Variants in SUZ12 observed in about 807,000 individuals in gnomAD.
SUZ12 encodes SUZ12 polycomb repressive complex 2 subunit, also known as polycomb protein SUZ12.
Under a neutral mutation model 87.3 loss-of-function variants are expected in SUZ12, and 17 were observed. The ratio of observed to expected loss-of-function variants is 0.19; its 90% CI spans 0.13 to 0.29. SUZ12 has a LOEUF of 0.29. Ranked by LOEUF, SUZ12 falls within the 10% of genes least tolerant of loss-of-function variation. The pLI is 1.00. For missense variants in SUZ12, 526 were observed against 912.2 expected (o/e 0.58, Z 5.45); for synonymous variants, 253 against 312.4 (o/e 0.81, Z 2.01).
In SUZ12 at chr17:31,937,138, C is replaced by A. The variant is rs1455631409; in HGVS notation, c.-109C>A. On this transcript the variant is annotated 5_prime_UTR_variant, in exon 1 of 16. Transcript: ENST00000322652. ...CCCTCTCCTCCCCTCTCTCCTCCTTCCCCCCTCGGTCCGCCGGAGCCTGCT... is the reference window on the plus strand; with the variant it reads ...CCCTCTCCTCCCCTCTCTCCTCCTTACCCCCTCGGTCCGCCGGAGCCTGCT... 4 of 948,222 alleles carry A rather than the reference C, an allele frequency of 4.2e-6. No homozygotes were observed. Among genetic ancestry groups the A allele is most frequent in the South Asian group, 2.5e-5 (1 of 39,562 alleles). 58.7% of individuals were successfully genotyped at this position (948,222 alleles called of 1,614,324 possible).
At chr17:31,989,816 A>G (rs1298687921) in intron 10 of SUZ12, among the ~76,000 whole-genome samples, 32 of 133,450 alleles carry the variant, frequency 2.4e-4, no homozygotes, top group Non-Finnish European at 3.8e-4. Context: ...TCACCTTGTT[A>G]GCCAGGATGG....
intron 9 of SUZ12, among the ~76,000 whole-genome samples, chr17:31,984,887 G>A (rs1475671031): frequency 6.6e-6 from 1 of 152,158 alleles, no homozygotes; most frequent in Non-Finnish European, 1.5e-5. Context: ...CGGGCTCAGT[G>A]GCTCATGCCT....
intron 5 of SUZ12, among the ~76,000 whole-genome samples, chr17:31,972,172 A>C (rs1908471774): frequency 6.6e-6 from 1 of 151,814 alleles, no homozygotes; most frequent in Admixed American, 6.6e-5. Flanking sequence ...GTAGTCCCAG[A>C]TACTTGGGAA....
chr17:31,938,820 A>G (rs1403692887), intron 1 of SUZ12, among the ~76,000 whole-genome samples: 3 of 152,244 alleles, frequency 2.0e-5, no homozygotes, highest in Admixed American at 2.0e-4. Flanking sequence ...ATCCTCCAAG[A>G]AAGTTTTAAC....
chr17:31,981,828 G>A (rs1326559315), intron 8 of SUZ12, among the ~76,000 whole-genome samples: 1 of 152,174 alleles, frequency 6.6e-6, no homozygotes, highest in Non-Finnish European at 1.5e-5. Flanking sequence ...TTTCTCTTCT[G>A]GCAGTGGAGT....
intron 9 of SUZ12, among the ~76,000 whole-genome samples, chr17:31,984,250 A>G (rs1422922339): frequency 3.9e-5 from 6 of 152,226 alleles, no homozygotes; most frequent in Non-Finnish European, 5.9e-5. Flanking sequence ...AGTTTGATGT[A>G]TATTTGAAAT....
At chr17:31,983,251 A>C (rs998185331) in intron 9 of SUZ12, 147 bp downstream of exon 9, 3 of 616,004 alleles carry the variant, frequency 4.9e-6, no homozygotes, top group Non-Finnish European at 8.2e-6. Flanking sequence ...ATCTAGTCAG[A>C]GCATTTAACG....
intron 4 of SUZ12, among the ~76,000 whole-genome samples, chr17:31,956,314 C>T (rs1249615841): frequency 6.6e-6 from 1 of 152,040 alleles, no homozygotes; most frequent in Non-Finnish European, 1.5e-5. Context: ...TTGCCTCAGC[C>T]TCTGGAGTAG....
chr17:31,991,695 C>T (rs547447649), intron 10 of SUZ12, among the ~76,000 whole-genome samples: 27 of 152,072 alleles, frequency 1.8e-4, no homozygotes, highest in African/African-American at 6.0e-4. Context: ...CCCTCTGCCT[C>T]CCGGGTTCAA....
chr17:31,972,511 CAA>C (rs1567826774), intron 5 of SUZ12, among the ~76,000 whole-genome samples: 1 of 151,804 alleles, frequency 6.6e-6, no homozygotes, highest in African/African-American at 2.4e-5. Context: ...CTCCTTGGCT[CAA>C]GAGATCCTTC....
At chr17:31,975,779 A>G (rs1343738961) in intron 7 of SUZ12, 66 bp downstream of exon 7, 2 of 1,293,350 alleles carry the variant, frequency 1.5e-6, no homozygotes, top group Non-Finnish European at 2.1e-6. Context: ...TGATTGTACC[A>G]GTGTTCCTTC....
intron 10 of SUZ12, among the ~76,000 whole-genome samples, chr17:31,992,093 ACCAG>A (rs1567837922): frequency 6.6e-6 from 1 of 151,330 alleles, no homozygotes; most frequent in Non-Finnish European, 1.5e-5. Context: ...GGAGTTCAAG[ACCAG>A]CCTGGGCAAT....
intron 9 of SUZ12, among the ~76,000 whole-genome samples, chr17:31,987,400 A>G (rs114277185): frequency 0.013 from 2,027 of 152,304 alleles, 49 homozygotes; most frequent in African/African-American, 0.047. Context: ...CTTAATAGGT[A>G]AATTCTTGAG....
intron 11 of SUZ12, 105 bp downstream of exon 11, chr17:31,993,438 T>C (rs1362408829): frequency 2.4e-6 from 2 of 823,712 alleles, no homozygotes; most frequent in Non-Finnish European, 3.8e-6. Context: ...ATTTATTTAT[T>C]TGAGACAGGA....
chr17:31,942,322 T>G (rs1443775433), intron 3 of SUZ12, among the ~76,000 whole-genome samples: 5 of 148,440 alleles, frequency 3.4e-5, no homozygotes, highest in Admixed American at 1.4e-4. Context: ...ATATCTTTGG[T>G]TTTTTTTTTG....
chr17:31,993,091 C>A, intron 10 of SUZ12, 151 bp from the exon 11 acceptor site: 1 of 520,472 alleles, frequency 1.9e-6, no homozygotes, highest in Non-Finnish European at 3.4e-6. Flanking sequence ...ATTTTTCCTG[C>A]GATCATCAGT....
Position 32,000,170 on chromosome 17 carries a change from A to G in SUZ12, c.*1167A>G, listed in dbSNP as rs1436556573. On this transcript the variant is annotated 3_prime_UTR_variant, in exon 16 of 16. Transcript: ENST00000322652. ...ACTGTGGTTGAGTAACATCACCTCA[A>G]TTTTTTATTATCCTTAAAGATATTG... 1.3e-5 allele frequency: 3 copies of G among 233,138 alleles called. No homozygotes were observed. The highest frequency in any genetic ancestry group is 2.2e-5 in the African/African-American group (1 of 45,298). 14.4% of individuals were successfully genotyped at this position (233,138 alleles called of 1,614,324 possible). A position where few individuals can be genotyped will look rare whatever the true frequency, so the allele number is the denominator to read the frequency against.
intron 4 of SUZ12, among the ~76,000 whole-genome samples, chr17:31,951,565 T>C (rs1446356022): frequency 6.7e-6 from 1 of 149,774 alleles, no homozygotes; most frequent in Middle Eastern, 3.2e-3. Flanking sequence ...TCACTGCAAG[T>C]TCCGCCTCCC....
intron 5 of SUZ12, among the ~76,000 whole-genome samples, chr17:31,969,901 A>G (rs999538178): frequency 1.3e-5 from 2 of 152,114 alleles, no homozygotes; most frequent in African/African-American, 2.4e-5. Context: ...AATTCTTAAA[A>G]TGTGATTTTT....
Sources: allele counts gnomAD v4.1 joint callset (sites outside exome capture counted in the v4.1 genomes callset), GRCh38; gene constraint gnomAD v4.1.1; transcripts MANE v1.5; gene names NCBI Gene and HGNC (gene_info 2026-07-23, HGNC 2026-07-21).